NARS2: variants seen among roughly 807,000 people sequenced by gnomAD.
The protein encoded by NARS2 is asparaginyl-tRNA synthetase 2, mitochondrial, also known as asparaginyl-tRNA synthetase.
A neutral mutation model predicts 62.9 loss-of-function variants in NARS2; 60 were observed. The ratio of observed to expected loss-of-function variants is 0.95; its 90% CI spans 0.77 to 1.18. The LOEUF (loss-of-function observed/expected upper bound fraction) is 1.18. NARS2 is among the 50% of genes most tolerant of loss of function. The pLI, the probability that NARS2 is intolerant of heterozygous loss-of-function variation, is 0.00. For synonymous variants in NARS2, 196 were observed against 200.0 expected, an observed-to-expected ratio of 0.98 and a Z score of 0.17; for missense variants, 619 against 576.4, an observed-to-expected ratio of 1.07 and a Z score of -0.76.
At position 78,574,512 on chromosome 11, in the gene NARS2, C is replaced by T; in HGVS notation, c.-24G>A. Reference sequence around the variant, plus strand: ...ATCCCGCGTCCGCCCAGGCCCTCCGCGGGAGCAGCCCAGACCCCACGGTTC... The same window carrying T: ...ATCCCGCGTCCGCCCAGGCCCTCCGTGGGAGCAGCCCAGACCCCACGGTTC... On this transcript the variant is annotated 5_prime_UTR_variant, in exon 1 of 14. Coordinates refer to ENST00000281038, the MANE Select transcript of NARS2 (RefSeq NM_024678.6). The T allele has an allele frequency of 6.3e-7, 1 of 1,589,872 alleles. No homozygotes were observed. Among genetic ancestry groups the T allele is most frequent in the Non-Finnish European group, 8.6e-7 (1 of 1,169,418 alleles).
intron 6 of NARS2, among the ~76,000 whole-genome samples, chr11:78,504,446 T>TG (rs1860411155): frequency 2.0e-5 from 3 of 151,744 alleles, no homozygotes; most frequent in Admixed American, 6.6e-5. Flanking sequence ...TTTTTTTTTT[T>TG]TTTTTTTTTT....
At chr11:78,482,620 G>T (rs1228571504) in intron 7 of NARS2, among the ~76,000 whole-genome samples, 2 of 152,100 alleles carry the variant, frequency 1.3e-5, no homozygotes, top group Non-Finnish European at 2.9e-5. Context: ...ACACCTCTAC[G>T]CAAATGAACG....
chr11:78,527,377 A>T (rs1435992986), intron 6 of NARS2, among the ~76,000 whole-genome samples: 6 of 152,220 alleles, frequency 3.9e-5, no homozygotes, highest in Admixed American at 1.3e-4. Flanking sequence ...ACATTCCATG[A>T]CAGGCTTGAC....
chr11:78,500,830 T>C (rs1462875936), intron 6 of NARS2, among the ~76,000 whole-genome samples: 1 of 152,236 alleles, frequency 6.6e-6, no homozygotes, highest in Non-Finnish European at 1.5e-5. Context: ...CGGTGGCTCA[T>C]GCCTGTAATC....
chr11:78,479,391 C>T (rs1859249920), intron 7 of NARS2, among the ~76,000 whole-genome samples: 1 of 152,042 alleles, frequency 6.6e-6, no homozygotes, highest in African/African-American at 2.4e-5. Flanking sequence ...CACCTGTAGT[C>T]CCAGATCCTC....
intron 2 of NARS2, among the ~76,000 whole-genome samples, chr11:78,570,420 CTCTATCACA>C (rs1183677878): frequency 6.6e-6 from 1 of 152,146 alleles, no homozygotes; most frequent in Non-Finnish European, 1.5e-5. Flanking sequence ...GGAGACAGGG[CTCTATCACA>C]CAGGCTGGAC....
In NARS2 at chr11:78,449,491, T is replaced by A. The variant is rs570168355; in HGVS notation, c.1165-5733A>T. Among the ~76,000 whole-genome samples, 21 of 150,200 alleles carry A rather than the reference T, an allele frequency of 1.4e-4. No homozygotes were observed. In the South Asian group the frequency reaches 1.7e-3, roughly 12 times the overall value. On this transcript the variant is annotated intron_variant, in intron 11 of 13. Transcript: ENST00000281038. Reference sequence around the variant, plus strand: ...AGGATAGCTACGTTAAAAAAAAAAATTTTTTTTTCTCCCAAACTTGCCTTC... The same window carrying A: ...AGGATAGCTACGTTAAAAAAAAAAAATTTTTTTTCTCCCAAACTTGCCTTC...
chr11:78,529,341 C>T (rs1327224141), intron 5 of NARS2, among the ~76,000 whole-genome samples: 1 of 152,120 alleles, frequency 6.6e-6, no homozygotes, highest in Admixed American at 6.5e-5. Flanking sequence ...CTGGAACATG[C>T]GAGGTCATAT....
intron 11 of NARS2, among the ~76,000 whole-genome samples, chr11:78,447,865 AG>A (rs1422065982): frequency 6.6e-6 from 1 of 152,166 alleles, no homozygotes; most frequent in Non-Finnish European, 1.5e-5. Flanking sequence ...GGGAACGAAG[AG>A]TTGCTGATCA....
At chr11:78,544,029 A>AAC (rs1483912207) in intron 5 of NARS2, among the ~76,000 whole-genome samples, 1 of 151,030 alleles carries the variant, frequency 6.6e-6, no homozygotes, top group African/African-American at 2.4e-5. Context: ...AAAAAAAAAA[A>AAC]AAAAAAAAAA....
chr11:78,548,265 G>A (rs1855953963), intron 5 of NARS2, among the ~76,000 whole-genome samples: 1 of 152,158 alleles, frequency 6.6e-6, no homozygotes. Context: ...AAGTTTAACA[G>A]GAGTTGGAAC....
At chr11:78,474,307 T>C (rs941939452) in intron 9 of NARS2, among the ~76,000 whole-genome samples, 1 of 152,194 alleles carries the variant, frequency 6.6e-6, no homozygotes, top group Non-Finnish European at 1.5e-5. Context: ...CGTAATTACA[T>C]TATTCATATA....
chr11:78,542,884 G>A (rs982182821), intron 5 of NARS2, among the ~76,000 whole-genome samples: 11 of 152,148 alleles, frequency 7.2e-5, no homozygotes, highest in Admixed American at 1.3e-4. Flanking sequence ...CCAACAGGGC[G>A]ACAGAGCGAG....
chr11:78,469,752 G>A (rs957707057), intron 9 of NARS2, among the ~76,000 whole-genome samples: 16 of 147,818 alleles, frequency 1.1e-4, no homozygotes, highest in African/African-American at 3.7e-4. Context: ...GTGCGTGCGC[G>A]CATGTGTGTG....
At chr11:78,472,873 C>A (rs1858934876) in intron 9 of NARS2, among the ~76,000 whole-genome samples, 1 of 152,216 alleles carries the variant, frequency 6.6e-6, no homozygotes, top group African/African-American at 2.4e-5. Context: ...GTAGAGAGGG[C>A]ACCACCACAC....
At chr11:78,509,353 T>G (rs999267289) in intron 6 of NARS2, among the ~76,000 whole-genome samples, 20 of 151,858 alleles carry the variant, frequency 1.3e-4, no homozygotes, top group African/African-American at 4.6e-4. Context: ...CCGGGTGAAA[T>G]GAAAGTACAC....
intron 6 of NARS2, among the ~76,000 whole-genome samples, chr11:78,519,450 G>C (rs1245035332): frequency 1.3e-5 from 2 of 152,028 alleles, no homozygotes; most frequent in African/African-American, 2.4e-5. Flanking sequence ...ATAAAAATTA[G>C]CAGAAATAGC....
chr11:78,498,992 C>T (rs1249769288), intron 6 of NARS2, among the ~76,000 whole-genome samples: 137 of 129,380 alleles, frequency 1.1e-3, no homozygotes, highest in African/African-American at 2.6e-3. Flanking sequence ...TCTCGGCTCA[C>T]TGCAAGCTCC....
chr11:78,554,060 C>T (rs1284932003), intron 5 of NARS2, among the ~76,000 whole-genome samples: 2 of 152,114 alleles, frequency 1.3e-5, no homozygotes, highest in Non-Finnish European at 2.9e-5. Context: ...AGATGTGCGG[C>T]CTTATTTCTG....
Sources: gnomAD v4.1 joint callset for allele counts (sites outside exome capture counted in the v4.1 genomes callset) on GRCh38, gnomAD v4.1.1 for gene constraint, MANE v1.5 for transcripts, NCBI Gene and HGNC (gene_info 2026-07-23, HGNC 2026-07-21) for gene names.